FAM110B: variants seen among roughly 807,000 people sequenced by gnomAD.
FAM110B encodes family with sequence similarity 110 member B.
Under a neutral mutation model 20.4 loss-of-function variants are expected in FAM110B, and 6 were observed. The ratio of observed to expected loss-of-function variants is 0.29; its 90% CI spans 0.16 to 0.58. The LOEUF (loss-of-function observed/expected upper bound fraction) is 0.58. Among genes scored for constraint, FAM110B ranks in the 20% least tolerant of loss-of-function variants. The pLI, the probability that FAM110B is intolerant of heterozygous loss-of-function variation, is 0.90. For missense variants in FAM110B, 434 were observed against 498.2 expected, an observed-to-expected ratio of 0.87 and a Z score of 1.23; for synonymous variants, 226 against 214.1, an observed-to-expected ratio of 1.06 and a Z score of -0.49.
intron 1 of FAM110B, among the ~76,000 whole-genome samples, chr8:58,024,626 T>C (rs1334875199): frequency 6.6e-6 from 1 of 152,250 alleles, no homozygotes; most frequent in African/African-American, 2.4e-5. Flanking sequence ...TCTGCCTTAC[T>C]CAGTGCTGCT....
At chr8:58,129,734 C>T (rs1803403645) in intron 3 of FAM110B, among the ~76,000 whole-genome samples, 2 of 152,348 alleles carry the variant, frequency 1.3e-5, no homozygotes, top group South Asian at 4.1e-4. Context: ...AAGGCAGAGC[C>T]ACACCCATGC....
At chr8:58,054,919 T>TC (rs1353432048) in intron 2 of FAM110B, among the ~76,000 whole-genome samples, 2 of 151,716 alleles carry the variant, frequency 1.3e-5, no homozygotes, top group African/African-American at 2.4e-5. Flanking sequence ...TTTTTCTTCT[T>TC]TTTTTTTAAC....
intron 1 of FAM110B, among the ~76,000 whole-genome samples, chr8:58,002,970 T>A (rs537659053): frequency 6.6e-6 from 1 of 152,324 alleles, no homozygotes; most frequent in Admixed American, 6.5e-5. Flanking sequence ...ACCAAAGATT[T>A]CTCTAGAGCA....
At chr8:58,096,614 T>A (rs890934886) in intron 3 of FAM110B, among the ~76,000 whole-genome samples, 53 of 152,338 alleles carry the variant, frequency 3.5e-4, no homozygotes, top group Middle Eastern at 3.4e-3. Flanking sequence ...TGCCTGTTAG[T>A]TTATGCAGTT....
At chr8:58,037,940 T>C (rs1805121678) in intron 2 of FAM110B, among the ~76,000 whole-genome samples, 1 of 152,218 alleles carries the variant, frequency 6.6e-6, no homozygotes, top group African/African-American at 2.4e-5. Context: ...TTTCTTTGTT[T>C]GGAGTCTATC....
At chr8:58,095,231 G>A (rs541558502) in intron 3 of FAM110B, among the ~76,000 whole-genome samples, 158 of 152,162 alleles carry the variant, frequency 1.0e-3, no homozygotes, top group African/African-American at 3.6e-3. Context: ...GGTTTTTCGT[G>A]CCTCTGTCTC....
At chr8:58,096,535 G>A (rs577538558) in intron 3 of FAM110B, among the ~76,000 whole-genome samples, 21 of 152,178 alleles carry the variant, frequency 1.4e-4, no homozygotes, top group African/African-American at 4.3e-4. Flanking sequence ...CATTTAGCCC[G>A]TTTACATTTA....
At chr8:58,118,463 G>A (rs1388474589) in intron 3 of FAM110B, among the ~76,000 whole-genome samples, 1 of 152,178 alleles carries the variant, frequency 6.6e-6, no homozygotes, top group African/African-American at 2.4e-5. Context: ...TTCCGGTTGG[G>A]TCTGGGTGCT....
chr8:58,051,691 G>A (rs1189951181), intron 2 of FAM110B, among the ~76,000 whole-genome samples: 1 of 152,224 alleles, frequency 6.6e-6, no homozygotes, highest in East Asian at 1.9e-4. Context: ...AAGTACTATG[G>A]AGGAAGATAA....
At chr8:58,009,982 A>G (rs1804495327) in intron 1 of FAM110B, among the ~76,000 whole-genome samples, 1 of 152,038 alleles carries the variant, frequency 6.6e-6, no homozygotes, top group Admixed American at 6.6e-5. Context: ...TTTAGAGAGC[A>G]TTGAGTTGTG....
At chr8:58,141,326 A>G (rs1803737887) in intron 3 of FAM110B, among the ~76,000 whole-genome samples, 1 of 152,252 alleles carries the variant, frequency 6.6e-6, no homozygotes, top group South Asian at 2.1e-4. Context: ...ATAACTTCAA[A>G]GGTAAATTGC....
Position 58,146,215 on chromosome 8 carries a change from G to A in FAM110B, c.-16G>A. 1.3e-6 allele frequency: 2 copies of A among 1,577,488 alleles called. No homozygotes were observed. The highest frequency in any genetic ancestry group is 1.7e-5 in the Admixed American group (1 of 57,160). Reference sequence around the variant, plus strand: ...GAAGAGCATCCAACACGGCTGCCGGGGAAAGACCGCCCACCATGCCCACGG... The same window carrying A: ...GAAGAGCATCCAACACGGCTGCCGGAGAAAGACCGCCCACCATGCCCACGG... On this transcript the variant is annotated 5_prime_UTR_variant, in exon 4 of 4. Coordinates refer to ENST00000519262, the MANE Select transcript of FAM110B (RefSeq NM_001377989.1).
At chr8:58,006,924 T>TATATATATATATATATATATATATA (rs6150600) in intron 1 of FAM110B, among the ~76,000 whole-genome samples, 25 of 110,954 alleles carry the variant, frequency 2.3e-4, no homozygotes, top group Non-Finnish European at 3.1e-4. Flanking sequence ...TATATATATA[T>TATATATATATATATATATATATATA]TTTTCCAAAA....
chr8:58,019,483 G>A (rs541960959), intron 1 of FAM110B, among the ~76,000 whole-genome samples: 3 of 151,868 alleles, frequency 2.0e-5, no homozygotes, highest in African/African-American at 4.8e-5. Context: ...TTTCCATTTG[G>A]TATTATTTCC....
chr8:58,138,362 G>A (rs1803668789), intron 3 of FAM110B, among the ~76,000 whole-genome samples: 1 of 152,182 alleles, frequency 6.6e-6, no homozygotes, highest in Non-Finnish European at 1.5e-5. Flanking sequence ...CACATGTGTG[G>A]GCCGAGCAAA....
chr8:58,146,414 G>C lies in FAM110B; in HGVS notation c.184G>C (p.Val62Leu). 6.2e-7 allele frequency: 1 copy of C among 1,614,026 alleles called. No homozygotes were observed. Among genetic ancestry groups the C allele is most frequent in the Non-Finnish European group, 8.5e-7 (1 of 1,179,972 alleles). Residue 62 changes from valine (V) to leucine (L), a missense_variant, in exon 4 of 4, where the codon GTC becomes CTC. By Grantham distance (32) the Val-to-Leu change is conservative. This residue lies in a region of FAM110B where 284 missense variants were observed against 278.3 expected (regional missense o/e 1.02). Transcript: ENST00000519262. ...GCTGGAGGCCGACAAGGCCAAGTAC[G>C]TCAAGAGCCAGGAGGTGATCAACGC... ...ERLEADKAKY[V>L]KSQEVINAKQ...
chr8:58,071,664 C>T (rs1391655960), intron 2 of FAM110B, among the ~76,000 whole-genome samples: 1 of 152,016 alleles, frequency 6.6e-6, no homozygotes, highest in African/African-American at 2.4e-5. Context: ...AGTAAGTCAT[C>T]CAGTACAAAA....
At chr8:58,017,981 T>G (rs1040965770) in intron 1 of FAM110B, among the ~76,000 whole-genome samples, 1 of 152,206 alleles carries the variant, frequency 6.6e-6, no homozygotes. Context: ...TATGTCATAA[T>G]GTACTGTTTT....
rs961108343 is a variant in FAM110B, at chr8:58,010,141, C to T, written c.-512+15335C>T. Among the ~76,000 whole-genome samples, 7 of 151,752 alleles carry T rather than the reference C, an allele frequency of 4.6e-5. No homozygotes were observed. The South Asian group carries it at 8.3e-4, about 18-fold the overall frequency. On this transcript the variant is annotated intron_variant, in intron 1 of 3. Coordinates refer to ENST00000519262, the MANE Select transcript of FAM110B (RefSeq NM_001377989.1). The stretch of plus-strand genomic sequence containing the variant: ...AAGTGATCCTCGTGCCTCAGCCTCC[C>T]GAGTAGCTGGGATTACAGATGCGCA...
Sources: allele counts gnomAD v4.1 joint callset (sites outside exome capture counted in the v4.1 genomes callset), GRCh38; gene constraint gnomAD v4.1.1; regional missense constraint gnomAD v4.1.1; transcripts MANE v1.5; gene names NCBI Gene and HGNC (gene_info 2026-07-23, HGNC 2026-07-21).